Variants in MYO5A observed in about 807,000 individuals in gnomAD.
The protein encoded by MYO5A is unconventional myosin-Va.
MYO5A carries 98 observed loss-of-function variants against 249.7 expected under a neutral mutation model. The ratio of observed to expected loss-of-function variants is 0.39; its 90% confidence interval spans 0.33 to 0.46. The LOEUF is 0.46. MYO5A is among the 20% of genes least tolerant of loss of function. The pLI, the probability that MYO5A is intolerant of heterozygous loss-of-function variation, is 0.98. For synonymous variants in MYO5A, 778 were observed against 810.6 expected (o/e 0.96, Z 0.68); for missense variants, 1,696 against 2,308.8 (o/e 0.73, Z 5.44).
intron 1 of MYO5A, among the ~76,000 whole-genome samples, chr15:52,510,208 G>A (rs529894763): frequency 1.3e-5 from 2 of 152,242 alleles, no homozygotes; most frequent in African/African-American, 2.4e-5. Flanking sequence ...TTCAAACTTA[G>A]AAAACTTTAA....
At chr15:52,480,861 A>T (rs1195705848) in intron 1 of MYO5A, among the ~76,000 whole-genome samples, 1 of 152,210 alleles carries the variant, frequency 6.6e-6, no homozygotes, top group Non-Finnish European at 1.5e-5. Flanking sequence ...CATATAGCTA[A>T]ATCCATTTAC....
At chr15:52,517,874 G>T (rs1401023764) in intron 1 of MYO5A, among the ~76,000 whole-genome samples, 1 of 151,730 alleles carries the variant, frequency 6.6e-6, no homozygotes, top group African/African-American at 2.4e-5. Context: ...TTATTTCTAG[G>T]TGGTATAATT....
intron 35 of MYO5A, among the ~76,000 whole-genome samples, chr15:52,329,977 T>TG (rs1053310832): frequency 6.8e-6 from 1 of 146,462 alleles, no homozygotes; most frequent in African/African-American, 2.6e-5. Flanking sequence ...CCTTGAGGGT[T>TG]TTTTCTTTTT....
At chr15:52,360,234 A>G (rs1214435693) in intron 24 of MYO5A, among the ~76,000 whole-genome samples, 153 bp from the exon 25 acceptor site, 1 of 152,242 alleles carries the variant, frequency 6.6e-6, no homozygotes, top group African/African-American at 2.4e-5. Context: ...CCAAATAATT[A>G]CAAAAAGGTC....
chr15:52,351,515 T>A, intron 27 of MYO5A, 34 bp from the exon 28 acceptor site: 1 of 1,588,516 alleles, frequency 6.3e-7, no homozygotes, highest in Non-Finnish European at 8.6e-7. Flanking sequence ...TTCATTGCTG[T>A]CATCCTCAAC....
At position 52,324,697 on chromosome 15, in the gene MYO5A, T is replaced by C. The variant is rs546298466; in HGVS notation, c.4711-1253A>G. Among the ~76,000 whole-genome samples, 28 of 152,324 alleles carry C rather than the reference T, an allele frequency of 1.8e-4. No individual in the cohort carries two copies. In the South Asian group the frequency reaches 5.2e-3, roughly 28 times the overall value. Reference sequence around the variant, plus strand: ...TAGTAGCGGCTTTATGCAGTAAAAGTGCACAGGATATATCATGGGGAAAGA... The same window carrying C: ...TAGTAGCGGCTTTATGCAGTAAAAGCGCACAGGATATATCATGGGGAAAGA... On this transcript the variant is annotated intron_variant, in intron 36 of 41. Transcript: ENST00000399233.
At chr15:52,397,602 G>T in intron 9 of MYO5A, 136 bp from the exon 10 acceptor site, 1 of 1,037,150 alleles carries the variant, frequency 9.6e-7, no homozygotes, top group Non-Finnish European at 1.5e-6. Flanking sequence ...ACTCAAAGTT[G>T]ATTAGTGATA....
Position 52,344,660 on chromosome 15 carries a change from A to G in MYO5A, c.3960-1463T>C, listed in dbSNP as rs115460923. On this transcript the variant is annotated intron_variant, in intron 30 of 41. Transcript: ENST00000399233. ...GTTCTACTGCAGTCTATTCTCTAACATAACAGCCAGGGCTAGCTTTCCAAA... is the reference window on the plus strand; with the variant it reads ...GTTCTACTGCAGTCTATTCTCTAACGTAACAGCCAGGGCTAGCTTTCCAAA... Among the ~76,000 whole-genome samples the G allele has an allele frequency of 3.3e-3, 504 of 152,346 alleles. 4 individuals are homozygous for G. Among genetic ancestry groups the G allele is most frequent in the African/African-American group, 0.011 (478 of 41,584 alleles).
In MYO5A at chr15:52,379,818, T is replaced by C. The variant is rs1490084551; in HGVS notation, c.2099+4A>G. On this transcript the variant is annotated splice_donor_region_variant and intron_variant, in intron 17 of 41. Transcript: ENST00000399233. ...CCCTTACATCTGAAAAATGCCAGGC[T>C]CACCGTGAGGGGAAACCGGCCGCAC... 6.2e-7 allele frequency: 1 copy of C among 1,614,090 alleles called. No individual in the cohort carries two copies. Among genetic ancestry groups the C allele is most frequent in the Non-Finnish European group, 8.5e-7 (1 of 1,180,002 alleles).
At chr15:52,328,271 C>T (rs958595741) in intron 35 of MYO5A, among the ~76,000 whole-genome samples, 1 of 150,800 alleles carries the variant, frequency 6.6e-6, no homozygotes, top group Non-Finnish European at 1.5e-5. Flanking sequence ...TTCTTGACAA[C>T]TCTGCTCAGG....
intron 9 of MYO5A, among the ~76,000 whole-genome samples, chr15:52,403,820 G>A (rs1288908866): frequency 6.6e-6 from 1 of 152,196 alleles, no homozygotes; most frequent in Non-Finnish European, 1.5e-5. Flanking sequence ...GAGGCTGGGG[G>A]AGGGGAGGAG....
chr15:52,346,256 C>T (rs1213662416), intron 30 of MYO5A, 105 bp downstream of exon 30: 1 of 726,404 alleles, frequency 1.4e-6, no homozygotes, highest in Non-Finnish European at 2.4e-6. Flanking sequence ...CAGTTAATGT[C>T]TAATATAAAG....
chr15:52,336,896 T>C (rs574936654), intron 33 of MYO5A, among the ~76,000 whole-genome samples: 5 of 152,306 alleles, frequency 3.3e-5, no homozygotes, highest in South Asian at 4.1e-4. Flanking sequence ...GAGGACTGAC[T>C]AGGCAAAAAT....
intron 24 of MYO5A, among the ~76,000 whole-genome samples, chr15:52,364,096 G>C (rs1356117120): frequency 6.6e-6 from 1 of 151,948 alleles, no homozygotes; most frequent in Non-Finnish European, 1.5e-5. Flanking sequence ...AAATTAGCTG[G>C]GCATGGTGGT....
rs377720641 is a variant in MYO5A, at chr15:52,417,704, T to A, written c.456-1403A>T. Among the ~76,000 whole-genome samples the A allele has an allele frequency of 2.6e-4, 39 of 152,036 alleles. No homozygotes were observed. The South Asian group carries it at 7.7e-3, about 30-fold the overall frequency. Reference sequence around the variant, plus strand: ...AGGAGTGAGCTAGTCATCACGGGAGTGGGCTCCTGATAAAAGGATGAGTTT... The same window carrying A: ...AGGAGTGAGCTAGTCATCACGGGAGAGGGCTCCTGATAAAAGGATGAGTTT... On this transcript the variant is annotated intron_variant, in intron 4 of 41. Transcript: ENST00000399233.
intron 3 of MYO5A, among the ~76,000 whole-genome samples, chr15:52,426,559 C>T (rs1417460293): frequency 6.6e-6 from 1 of 152,122 alleles, no homozygotes; most frequent in African/African-American, 2.4e-5. Context: ...ACCTCCCAGG[C>T]TTACGAAATC....
chr15:52,308,500 T>C lies in MYO5A; in HGVS notation c.*5196A>G, dbSNP rs2037684183. 6.6e-6 allele frequency: 1 copy of C among 152,202 alleles called. No homozygotes were observed. Among genetic ancestry groups the C allele is most frequent in the Non-Finnish European group, 1.5e-5 (1 of 68,038 alleles). 9.4% of individuals were successfully genotyped at this position (152,202 alleles called of 1,614,324 possible). A position where few individuals can be genotyped will look rare whatever the true frequency, so the allele number is the denominator to read the frequency against. Reference sequence around the variant, plus strand: ...GTTAGTAGAAAGCAAGACATTTAAGTATTACCAAGAATCTAACTTATCTCC... The same window carrying C: ...GTTAGTAGAAAGCAAGACATTTAAGCATTACCAAGAATCTAACTTATCTCC... On this transcript the variant is annotated 3_prime_UTR_variant, in exon 42 of 42. Coordinates refer to ENST00000399233, the MANE Select transcript of MYO5A (RefSeq NM_001382347.1).
intron 1 of MYO5A, among the ~76,000 whole-genome samples, chr15:52,472,185 T>G (rs1197684853): frequency 3.3e-5 from 5 of 152,038 alleles, no homozygotes; most frequent in Non-Finnish European, 5.9e-5. Context: ...TTCACACCAT[T>G]CTTCTGCCTC....
At chr15:52,510,550 A>G (rs776172207) in intron 1 of MYO5A, among the ~76,000 whole-genome samples, 11 of 152,222 alleles carry the variant, frequency 7.2e-5, no homozygotes, top group Non-Finnish European at 1.6e-4. Flanking sequence ...GCTAGCGAGC[A>G]ATACCACCTG....
Sources: allele counts gnomAD v4.1 joint callset (sites outside exome capture counted in the v4.1 genomes callset), GRCh38; gene constraint gnomAD v4.1.1; transcripts MANE v1.5; gene names NCBI Gene and HGNC (gene_info 2026-07-23, HGNC 2026-07-21).